The following ALDH1B1 variants were observed in gnomAD, a reference collection of about 807,000 sequenced individuals.
ALDH1B1 encodes aldehyde dehydrogenase 1 family member B1.
ALDH1B1 carries 19 observed loss-of-function variants against 26.2 expected under a neutral mutation model. The ratio of observed to expected loss-of-function variants is 0.72; its 90% CI spans 0.51 to 1.06. The LOEUF is 1.06. Among genes scored for constraint, ALDH1B1 ranks in the 50% least tolerant of loss-of-function variants. The pLI is 0.00. For synonymous variants in ALDH1B1, 249 were observed against 286.0 expected, an observed-to-expected ratio of 0.87 and a Z score of 1.31; for missense variants, 671 against 683.1, an observed-to-expected ratio of 0.98 and a Z score of 0.20.
In ALDH1B1 at chr9:38,396,444, T is replaced by G. The variant is rs572997069; in HGVS notation, c.696T>G (p.Pro232=). The part of the protein sequence containing the change: ...ASLIKEAGFP[P]GVVNIITGYG... ...TCATCAAGGAGGCAGGCTTTCCCCC[T>G]GGGGTGGTGAACATCATCACGGGGT... The change falls in exon 2 of 2, where the codon CCT becomes CCG. Residue 232 remains proline (P), a synonymous_variant. Coordinates refer to ENST00000377698, the MANE Select transcript of ALDH1B1 (RefSeq NM_000692.5). 1 of 1,614,086 alleles carries G rather than the reference T, an allele frequency of 6.2e-7. No homozygotes were observed. The highest frequency in any genetic ancestry group is 1.3e-5 in the African/African-American group (1 of 75,058).
rs1352458991 is a variant in ALDH1B1, at chr9:38,397,253, A to T, written c.1505A>T (p.Tyr502Phe). The T allele has an allele frequency of 1.2e-6, 2 of 1,614,174 alleles. No homozygotes were observed. Among genetic ancestry groups the T allele is most frequent in the Non-Finnish European group, 1.7e-6 (2 of 1,180,030 alleles). The stretch of plus-strand genomic sequence containing the variant: ...CTGGGTGAGGATGGGCTTAAGGCCT[A>T]CACAGAGGTAAAGACGGTCACCATC... ...RELGEDGLKAYTEVKTVTIKV... is the reference protein window; with the variant it reads ...RELGEDGLKAFTEVKTVTIKV... Residue 502 changes from tyrosine to phenylalanine, a missense_variant, in exon 2 of 2, where the codon TAC (tyrosine) becomes TTC (phenylalanine). By Grantham distance (22) the Tyr-to-Phe change is conservative. Coordinates refer to ENST00000377698, the MANE Select transcript of ALDH1B1 (RefSeq NM_000692.5).
chr9:38,393,575 C>A (rs1003314235), intron 1 of ALDH1B1, among the ~76,000 whole-genome samples: 12 of 152,184 alleles, frequency 7.9e-5, no homozygotes, highest in African/African-American at 2.9e-4. Context: ...TGCTTCACCC[C>A]TCCAATCCTT....
In ALDH1B1 at chr9:38,396,260, C is replaced by G. The variant is rs758496531; in HGVS notation, c.512C>G (p.Thr171Ser). The G allele has an allele frequency of 6.2e-7, 1 of 1,614,198 alleles. No homozygotes were observed. Among genetic ancestry groups the G allele is most frequent in the South Asian group, 1.1e-5 (1 of 91,084 alleles). ...IPMDGQHFCF[T>S]RHEPVGVCGQ... ...ATGGATGGCCAGCATTTCTGCTTCACCCGGCATGAGCCCGTTGGTGTCTGT... is the reference window on the plus strand; with the variant it reads ...ATGGATGGCCAGCATTTCTGCTTCAGCCGGCATGAGCCCGTTGGTGTCTGT... Residue 171 changes from threonine to serine, a missense_variant, in exon 2 of 2, where the codon ACC becomes AGC. Physicochemically the swap from Thr to Ser is moderately conservative, Grantham distance 58. Coordinates refer to ENST00000377698, the MANE Select transcript of ALDH1B1 (RefSeq NM_000692.5).
chr9:38,394,495 G>T, intron 1 of ALDH1B1: 1 of 639,472 alleles, frequency 1.6e-6, no homozygotes, highest in Non-Finnish European at 1.9e-6. Flanking sequence ...TTCTTGCTAT[G>T]TGCTCAGGCT....
chr9:38,393,370 A>G (rs924063091), intron 1 of ALDH1B1, among the ~76,000 whole-genome samples: 34 of 152,308 alleles, frequency 2.2e-4, no homozygotes, highest in African/African-American at 7.5e-4. Flanking sequence ...CCACCCAGGG[A>G]CTGCAGAGAG....
Position 38,397,173 on chromosome 9 carries a change from C to A in ALDH1B1, c.1425C>A (p.Ile475=). Residue 475 remains isoleucine, a synonymous_variant, in exon 2 of 2, where the codon ATC becomes ATA. Transcript: ENST00000377698. The part of the protein sequence containing the change: ...AGTVWVNTYN[I]VTCHTPFGGF... ...CCGTGTGGGTAAACACCTACAACAT[C>A]GTCACCTGCCACACGCCATTTGGAG... The A allele has an allele frequency of 1.2e-6, 2 of 1,614,154 alleles. No individual in the cohort carries two copies. The highest frequency in any genetic ancestry group is 8.5e-7 in the Non-Finnish European group (1 of 1,180,042).
rs1563914735 is a variant in ALDH1B1 at position 38,396,113 on chromosome 9, T to G, written c.365T>G (p.Leu122Arg). Residue 122 changes from leucine to arginine, a missense_variant, in exon 2 of 2, where the codon CTC (leucine) becomes CGC (arginine). Coordinates refer to ENST00000377698, the MANE Select transcript of ALDH1B1 (RefSeq NM_000692.5). ...VERDRVYLAS[L>R]ETLDNGKPFQ... Reference sequence around the variant, plus strand: ...CGGGATCGAGTCTACTTGGCCTCACTCGAGACCTTGGACAATGGGAAGCCT... The same window carrying G: ...CGGGATCGAGTCTACTTGGCCTCACGCGAGACCTTGGACAATGGGAAGCCT... 1 of 1,614,134 alleles carries G rather than the reference T, an allele frequency of 6.2e-7. No homozygotes were observed. The highest frequency in any genetic ancestry group is 1.3e-5 in the African/African-American group (1 of 75,036).
intron 1 of ALDH1B1, 25 bp downstream of exon 1, chr9:38,392,832 G>C: frequency 1.0e-6 from 1 of 985,800 alleles, no homozygotes; most frequent in Non-Finnish European, 1.2e-6. Flanking sequence ...TCTCCCCTCG[G>C]CTCCCTCGGG....
Position 38,396,394 on chromosome 9 carries a change from C to G in ALDH1B1, c.646C>G (p.Leu216Val), listed in dbSNP as rs200322513. 4.2e-4 allele frequency: 673 copies of G among 1,614,196 alleles called. 8 individuals are homozygous for G. In the South Asian group the frequency reaches 6.9e-3, roughly 17 times the overall value. Residue 216 changes from leucine to valine, a missense_variant, in exon 2 of 2, where the codon CTC (leucine) becomes GTC (valine). Physicochemically the swap from Leu to Val is conservative, Grantham distance 32. Transcript: ENST00000377698. ...VVMKVAEQTP[L>V]SALYLASLIK... is the part of the protein sequence containing the mutation. ...TATGAAGGTGGCAGAGCAGACCCCC[C>G]TCTCTGCCCTGTATTTGGCCTCCCT...
Position 38,396,550 on chromosome 9 carries a change from C to A in ALDH1B1, c.802C>A (p.His268Asn). 1 of 1,613,882 alleles carries A rather than the reference C, an allele frequency of 6.2e-7. No homozygotes were observed. The highest frequency in any genetic ancestry group is 8.5e-7 in the Non-Finnish European group (1 of 1,179,978). Residue 268 changes from histidine to asparagine, a missense_variant, in exon 2 of 2, where the codon CAC becomes AAC. Transcript: ENST00000377698. ...VAFTGSTEVGHLIQKAAGDSN... is the reference protein window; with the variant it reads ...VAFTGSTEVGNLIQKAAGDSN... ...CTTCACCGGTTCCACCGAGGTGGGC[C>A]ACCTGATCCAGAAAGCAGCTGGCGA...
At chr9:38,395,630 G>A (rs1189302378) in intron 1 of ALDH1B1, 110 bp from the exon 2 acceptor site, 2 of 1,417,432 alleles carry the variant, frequency 1.4e-6, no homozygotes, top group East Asian at 4.8e-5. Flanking sequence ...GTTTTTAGAG[G>A]TGACAGTCCT....
intron 1 of ALDH1B1, chr9:38,394,635 T>C: frequency 1.0e-6 from 1 of 985,378 alleles, no homozygotes; most frequent in African/African-American, 1.7e-5. Context: ...GCTTTCCTGA[T>C]TGAGTTTTTT....
chr9:38,397,657 T>C lies in ALDH1B1; in HGVS notation c.*355T>C, dbSNP rs1395324534. ...CCCATGGGTGCGCTTGATGGTTTAG[T>C]GGATCGACTCAACTCAGAACACAAG... On this transcript the variant is annotated 3_prime_UTR_variant, in exon 2 of 2. Transcript: ENST00000377698. The C allele has an allele frequency of 4.4e-6, 1 of 226,966 alleles. No homozygotes were observed. Among genetic ancestry groups the C allele is most frequent in the Non-Finnish European group, 9.4e-6 (1 of 106,436 alleles). The allele number at this position is 226,966 out of a possible 1,614,324, so 14.1% of individuals were successfully genotyped here.
At position 38,396,916 on chromosome 9, in the gene ALDH1B1, C is replaced by T. The variant is rs137880021; in HGVS notation, c.1168C>T (p.Arg390Cys). Residue 390 changes from arginine (R) to cysteine (C), a missense_variant, in exon 2 of 2, where the codon CGT becomes TGT. Arg to Cys is a radical substitution (Grantham distance 180, BLOSUM62 -3). Coordinates refer to ENST00000377698, the MANE Select transcript of ALDH1B1 (RefSeq NM_000692.5). ...EGAKLLCGGERFGERGFFIKP... is the reference protein window; with the variant it reads ...EGAKLLCGGECFGERGFFIKP... Reference sequence around the variant, plus strand: ...CGCAAAACTCCTCTGTGGCGGAGAGCGTTTCGGGGAGCGTGGTTTCTTCAT... The same window carrying T: ...CGCAAAACTCCTCTGTGGCGGAGAGTGTTTCGGGGAGCGTGGTTTCTTCAT... The T allele has an allele frequency of 4.5e-5, 72 of 1,614,138 alleles. No individual in the cohort carries two copies. In the African/African-American group the frequency reaches 4.9e-4, roughly 11 times the overall value.
In ALDH1B1 at chr9:38,396,978, G is replaced by A; in HGVS notation, c.1230G>A (p.Met410Ile). ...PTVFGGVQDD[M>I]RIAKEEIFGP... ...TCTTTGGTGGCGTGCAGGATGACAT[G>A]AGAATTGCCAAAGAGGAGATCTTTG... The change falls in exon 2 of 2, where the codon ATG becomes ATA. Residue 410 changes from methionine (M) to isoleucine (I), a missense_variant. Transcript: ENST00000377698. The A allele has an allele frequency of 6.2e-7, 1 of 1,614,166 alleles. No individual in the cohort carries two copies. Among genetic ancestry groups the A allele is most frequent in the Non-Finnish European group, 8.5e-7 (1 of 1,180,026 alleles).
chr9:38,395,687 C>T (rs1219028640), intron 1 of ALDH1B1, 53 bp from the exon 2 acceptor site: 22 of 1,516,746 alleles, frequency 1.5e-5, no homozygotes, highest in Middle Eastern at 3.6e-4. Context: ...CCTTGGGTAC[C>T]GCCACCTGCC....
rs1821296100 is a variant in ALDH1B1, at chr9:38,396,606, G to A, written c.858G>A (p.Leu286=). The part of the protein sequence containing the change: ...DSNLKRVTLE[L]GGKSPSIVLA... ...ACCTCAAGAGAGTCACCCTGGAGCT[G>A]GGTGGTAAGAGCCCCAGCATCGTGC... Residue 286 remains leucine, a synonymous_variant, in exon 2 of 2, where the codon CTG becomes CTA. Transcript: ENST00000377698. The A allele has an allele frequency of 6.2e-7, 1 of 1,613,950 alleles. No individual in the cohort carries two copies. Among genetic ancestry groups the A allele is most frequent in the Non-Finnish European group, 8.5e-7 (1 of 1,180,008 alleles).
rs139857335 is a variant in ALDH1B1, at chr9:38,392,989, C to T, written c.-10+182C>T. 3.6e-3 allele frequency among the ~76,000 whole-genome samples: 554 copies of T among 152,322 alleles called. 1 individual carries two copies. Among genetic ancestry groups the T allele is most frequent in the African/African-American group, 0.013 (525 of 41,584 alleles). On this transcript the variant is annotated intron_variant, in intron 1 of 1. Coordinates refer to ENST00000377698, the MANE Select transcript of ALDH1B1 (RefSeq NM_000692.5). ...CCGCCTCTGGGTGACGCTACAGGAGCCCCGAGGACACAGACGCCCCCAGAC... is the reference window on the plus strand; with the variant it reads ...CCGCCTCTGGGTGACGCTACAGGAGTCCCGAGGACACAGACGCCCCCAGAC...
Position 38,392,790 on chromosome 9 carries a change from A to G in ALDH1B1, c.-27A>G. 5.1e-6 allele frequency: 5 copies of G among 985,618 alleles called. No homozygotes were observed. Among genetic ancestry groups the G allele is most frequent in the Non-Finnish European group, 6.0e-6 (5 of 830,104 alleles). The allele number at this position is 985,618 out of a possible 1,614,324, so 61.1% of individuals were successfully genotyped here. ...GAACCCAAGCGTGATCCTGAACCGG[A>G]GCCCGAGCCTGCTGCAGGTAACTAA... On this transcript the variant is annotated 5_prime_UTR_variant, in exon 1 of 2. Coordinates refer to ENST00000377698, the MANE Select transcript of ALDH1B1 (RefSeq NM_000692.5).
Sources: allele counts gnomAD v4.1 joint callset (sites outside exome capture counted in the v4.1 genomes callset), GRCh38; gene constraint gnomAD v4.1.1; transcripts MANE v1.5; gene names NCBI Gene and HGNC (gene_info 2026-07-23, HGNC 2026-07-21).